Variants in GRID2 observed in about 807,000 individuals in gnomAD.
The protein encoded by GRID2 is glutamate ionotropic receptor delta type subunit 2.
Under a neutral mutation model 114.8 loss-of-function variants are expected in GRID2, and 33 were observed. The observed-to-expected ratio is 0.29, with a 90% CI of 0.22 to 0.38. The LOEUF (loss-of-function observed/expected upper bound fraction) is 0.38. Among genes scored for constraint, GRID2 ranks in the 10% least tolerant of loss-of-function variants. The pLI, the probability that GRID2 is intolerant of heterozygous loss-of-function variation, is 1.00. For missense variants in GRID2, 1,184 were observed against 1,257.7 expected (o/e 0.94, Z 0.89); for synonymous variants, 505 against 449.9 (o/e 1.12, Z -1.55).
intron 2 of GRID2, among the ~76,000 whole-genome samples, chr4:92,954,237 A>T (rs938396268): frequency 6.6e-6 from 1 of 151,062 alleles, no homozygotes; most frequent in Non-Finnish European, 1.5e-5. Flanking sequence ...ACACACACAT[A>T]TATATATACA....
At chr4:92,666,806 TA>T (rs1005305774) in intron 2 of GRID2, among the ~76,000 whole-genome samples, 2 of 150,284 alleles carry the variant, frequency 1.3e-5, no homozygotes, top group Non-Finnish European at 3.0e-5. Context: ...AAATTAAGAT[TA>T]AAAAAAACCT....
intron 2 of GRID2, among the ~76,000 whole-genome samples, chr4:93,067,748 G>A (rs191768313): frequency 6.6e-6 from 1 of 151,832 alleles, no homozygotes; most frequent in Non-Finnish European, 1.5e-5. Flanking sequence ...TTATTAAGCA[G>A]GGACACTGTG....
intron 14 of GRID2, among the ~76,000 whole-genome samples, chr4:93,689,353 A>G (rs564021347): frequency 3.9e-5 from 6 of 152,084 alleles, no homozygotes; most frequent in Admixed American, 6.6e-5. Context: ...TTGAATTACT[A>G]ACTCAATATG....
chr4:92,808,489 GT>G (rs1464151067), intron 2 of GRID2, among the ~76,000 whole-genome samples: 1 of 152,016 alleles, frequency 6.6e-6, no homozygotes, highest in Non-Finnish European at 1.5e-5. Context: ...AAATAAACAT[GT>G]TTAGGGGATG....
At chr4:93,460,447 C>T (rs1560643084) in intron 11 of GRID2, among the ~76,000 whole-genome samples, 1 of 152,196 alleles carries the variant, frequency 6.6e-6, no homozygotes, top group Non-Finnish European at 1.5e-5. Flanking sequence ...CTTTATACAG[C>T]AAGTTCCTAT....
At position 92,518,842 on chromosome 4, in the gene GRID2, A is replaced by G. The variant is rs372074768; in HGVS notation, c.89-71289A>G. On this transcript the variant is annotated intron_variant, in intron 1 of 15. Coordinates refer to ENST00000282020, the MANE Select transcript of GRID2 (RefSeq NM_001510.4). The stretch of plus-strand genomic sequence containing the variant: ...CTTTTTCTGAAAATAGACAAGCTGT[A>G]CCATTCTTTGAAGCAAAGTATTATA... Among the ~76,000 whole-genome samples, 82 of 152,036 alleles carry G rather than the reference A, an allele frequency of 5.4e-4. 1 individual carries two copies. In the South Asian group the frequency reaches 0.016, roughly 30 times the overall value.
intron 2 of GRID2, among the ~76,000 whole-genome samples, chr4:92,735,315 T>A (rs1736539396): frequency 6.6e-6 from 1 of 152,112 alleles, no homozygotes; most frequent in Non-Finnish European, 1.5e-5. Flanking sequence ...CATAGAAGCC[T>A]AAGATAAAGT....
At chr4:93,503,825 G>A (rs1350607897) in intron 12 of GRID2, among the ~76,000 whole-genome samples, 3 of 152,072 alleles carry the variant, frequency 2.0e-5, no homozygotes, top group South Asian at 2.1e-4. Flanking sequence ...CAAGGTGTGA[G>A]ATAAATTTAA....
At chr4:92,860,867 G>A (rs1013778141) in intron 2 of GRID2, among the ~76,000 whole-genome samples, 3 of 152,018 alleles carry the variant, frequency 2.0e-5, no homozygotes, top group Admixed American at 1.3e-4. Flanking sequence ...TATCCTTTAC[G>A]TATGTGAGAA....
rs1364549248 is a variant in GRID2, at chr4:93,205,651, A to G, written c.736-1753A>G. On this transcript the variant is annotated intron_variant, in intron 4 of 15. Coordinates refer to ENST00000282020, the MANE Select transcript of GRID2 (RefSeq NM_001510.4). ...ATGTGTCTTTATAGCAGCATGATTTATAATCCTTTGGGTATATACCCAGTA... is the reference window on the plus strand; with the variant it reads ...ATGTGTCTTTATAGCAGCATGATTTGTAATCCTTTGGGTATATACCCAGTA... Among the ~76,000 whole-genome samples, 5 of 152,170 alleles carry G rather than the reference A, an allele frequency of 3.3e-5. No homozygotes were observed. In the East Asian group the frequency reaches 9.6e-4, roughly 29 times the overall value.
chr4:93,091,612 C>G (rs778321964), intron 3 of GRID2, among the ~76,000 whole-genome samples: 1 of 152,134 alleles, frequency 6.6e-6, no homozygotes, highest in Non-Finnish European at 1.5e-5. Flanking sequence ...ATCCTAATAA[C>G]TGTGATGTCA....
chr4:93,115,419 A>ACACACACACACACACACACACG, intron 4 of GRID2, among the ~76,000 whole-genome samples: 1 of 151,862 alleles, frequency 6.6e-6, no homozygotes, highest in Admixed American at 6.6e-5. Flanking sequence ...ACACACACAC[A>ACACACACACACACACACACACG]CACATTTTTA....
intron 2 of GRID2, among the ~76,000 whole-genome samples, chr4:93,061,259 A>T (rs1409756474): frequency 7.0e-6 from 1 of 143,078 alleles, no homozygotes; most frequent in Non-Finnish European, 1.5e-5. Flanking sequence ...CAATAAAATT[A>T]TTTTTCTTAT....
At chr4:92,704,146 C>T (rs1361893109) in intron 2 of GRID2, among the ~76,000 whole-genome samples, 1 of 151,978 alleles carries the variant, frequency 6.6e-6, no homozygotes, top group Non-Finnish European at 1.5e-5. Context: ...GGCGTCGCGG[C>T]GGGCGCCTGT....
chr4:92,308,932 A>G (rs187159245), intron 1 of GRID2, among the ~76,000 whole-genome samples: 3 of 152,172 alleles, frequency 2.0e-5, no homozygotes, highest in Admixed American at 6.5e-5. Context: ...TGGCTTTACT[A>G]TTCTTCTCTG....
intron 1 of GRID2, among the ~76,000 whole-genome samples, chr4:92,418,754 T>A (rs1006951622): frequency 6.6e-6 from 1 of 152,068 alleles, no homozygotes. Flanking sequence ...GACATTAGGT[T>A]AATGTTTGTT....
intron 1 of GRID2, among the ~76,000 whole-genome samples, chr4:92,396,930 G>GTAGAACAAA (rs1228839177): frequency 1.3e-5 from 2 of 152,004 alleles, no homozygotes; most frequent in Non-Finnish European, 2.9e-5. Flanking sequence ...CTCATTAACA[G>GTAGAACAAA]TAGAACAAAC....
rs1292478820 is a variant in GRID2, at chr4:92,727,264, A to AAATT, written c.244+136980_244+136981insTTAA. 3.3e-5 allele frequency among the ~76,000 whole-genome samples: 5 copies of AAATT among 152,222 alleles called. No homozygotes were observed. In the South Asian group the frequency reaches 1.0e-3, roughly 32 times the overall value. ...GACTTAATTTACAAAATGGTGTTTTAAAGTGTTTCTGGGTTTCTTTGCTAA... is the reference window on the plus strand; with the variant it reads ...GACTTAATTTACAAAATGGTGTTTTAAATTAAGTGTTTCTGGGTTTCTTTGCTAA... On this transcript the variant is annotated intron_variant, in intron 2 of 15. Transcript: ENST00000282020.
chr4:92,594,720 G>A (rs1728865987), intron 2 of GRID2, among the ~76,000 whole-genome samples: 2 of 151,832 alleles, frequency 1.3e-5, no homozygotes, highest in South Asian at 4.2e-4. Context: ...CTGTTCATAG[G>A]TTACTCTTTT....
Sources: allele counts gnomAD v4.1 joint callset (sites outside exome capture counted in the v4.1 genomes callset), GRCh38; gene constraint gnomAD v4.1.1; transcripts MANE v1.5; gene names NCBI Gene and HGNC (gene_info 2026-07-23, HGNC 2026-07-21).